Variants in COL24A1 observed in about 807,000 individuals in gnomAD.
COL24A1 encodes the protein collagen type XXIV alpha 1 chain.
COL24A1 carries 224 observed loss-of-function variants against 253.9 expected under a neutral mutation model. That is an observed-to-expected ratio of 0.88 (90% confidence interval 0.79 to 0.99). The LOEUF is 0.99. Among genes scored for constraint, COL24A1 ranks in the 50% least tolerant of loss-of-function variants. The pLI is 0.00. For synonymous variants in COL24A1, 685 were observed against 673.7 expected (o/e 1.02, Z -0.26); for missense variants, 2,131 against 2,068.5 (o/e 1.03, Z -0.59).
chr1:86,067,088 G>A (rs1304020779), intron 7 of COL24A1, among the ~76,000 whole-genome samples: 6 of 151,706 alleles, frequency 4.0e-5, no homozygotes, highest in Admixed American at 2.6e-4. Flanking sequence ...GCAGTGAGCC[G>A]AGATTGCGCC....
chr1:85,987,602 T>C lies in COL24A1; in HGVS notation c.2363A>G (p.Lys788Arg). The part of the protein sequence containing the change: ...IPGQNGPEGP[K>R]GLLGNRGPPG... The stretch of plus-strand genomic sequence containing the variant: ...TCTCTCTCTTCTTCTTCTTCTTACC[T>C]TTGGTCCTTCAGGGCCGTTTTGTCC... The change falls in exon 20 of 60, where the codon AAG becomes AGG. Residue 788 changes from lysine to arginine, a missense_variant and splice_region_variant. Lys to Arg is a conservative substitution (Grantham distance 26). Coordinates refer to ENST00000370571, the MANE Select transcript of COL24A1 (RefSeq NM_152890.7). The C allele has an allele frequency of 6.2e-7, 1 of 1,609,914 alleles. No individual in the cohort carries two copies.
intron 47 of COL24A1, among the ~76,000 whole-genome samples, chr1:85,800,194 T>G (rs1029296093): frequency 6.6e-6 from 1 of 152,222 alleles, no homozygotes; most frequent in Non-Finnish European, 1.5e-5. Flanking sequence ...CTGATGAGCA[T>G]TTAAATGTCA....
At chr1:85,882,682 C>G (rs915907784) in intron 32 of COL24A1, among the ~76,000 whole-genome samples, 2 of 152,048 alleles carry the variant, frequency 1.3e-5, no homozygotes, top group African/African-American at 2.4e-5. Context: ...TGCTGGGTCT[C>G]TCAATTACTG....
chr1:85,757,960 T>C (rs900648525), intron 55 of COL24A1, among the ~76,000 whole-genome samples: 4 of 152,098 alleles, frequency 2.6e-5, no homozygotes, highest in African/African-American at 9.7e-5. Context: ...AAAACATGCA[T>C]GTAAAATAGA....
chr1:85,933,865 T>A (rs939871005), intron 24 of COL24A1, among the ~76,000 whole-genome samples: 2 of 152,198 alleles, frequency 1.3e-5, no homozygotes, highest in Non-Finnish European at 2.9e-5. Context: ...AATGTTGAAA[T>A]ATTATGTATT....
chr1:85,926,746 A>C (rs1687289095), intron 24 of COL24A1, among the ~76,000 whole-genome samples: 1 of 152,116 alleles, frequency 6.6e-6, no homozygotes, highest in African/African-American at 2.4e-5. Flanking sequence ...TAGCAAACCA[A>C]CATGGCGCAT....
chr1:85,871,710 G>C (rs956093789), intron 35 of COL24A1, among the ~76,000 whole-genome samples: 1 of 152,032 alleles, frequency 6.6e-6, no homozygotes, highest in African/African-American at 2.4e-5. Flanking sequence ...AATAATAAGA[G>C]CTATTTATGA....
Position 85,740,131 on chromosome 1 carries a change from C to T in COL24A1, c.4673-2626G>A, listed in dbSNP as rs558880106. ...CTTGTCTTATAAATCCCCAATCCTA[C>T]GTAAGTTTCTCCCTAACCTGTGCCT... On this transcript the variant is annotated intron_variant, in intron 57 of 59. Transcript: ENST00000370571. 1.1e-4 allele frequency among the ~76,000 whole-genome samples: 17 copies of T among 152,244 alleles called. No homozygotes were observed. The East Asian group carries it at 1.2e-3, about 10-fold the overall frequency.
intron 20 of COL24A1, among the ~76,000 whole-genome samples, chr1:85,974,168 G>C (rs752110811): frequency 1.3e-5 from 2 of 152,066 alleles, no homozygotes; most frequent in Non-Finnish European, 2.9e-5. Flanking sequence ...TTCTCCAGAA[G>C]TCAAGCAGAT....
chr1:85,932,141 G>A (rs1687795027), intron 24 of COL24A1, among the ~76,000 whole-genome samples: 1 of 92,808 alleles, frequency 1.1e-5, no homozygotes, highest in Admixed American at 1.3e-4. Flanking sequence ...CCATCAGAGT[G>A]AACAGGCAAC....
chr1:86,067,232 C>T (rs187986955), intron 7 of COL24A1, among the ~76,000 whole-genome samples: 91 of 151,892 alleles, frequency 6.0e-4, no homozygotes, highest in Admixed American at 3.9e-3. Context: ...CAGGCTCCCA[C>T]GGGGCACTTC....
chr1:85,945,018 T>TTTTTG (rs1553237032), intron 24 of COL24A1, among the ~76,000 whole-genome samples: 3,631 of 86,682 alleles, frequency 0.042, 254 homozygotes, highest in East Asian at 0.092. Context: ...TTTTTTTTTT[T>TTTTTG]TTTTTTTTTT....
intron 55 of COL24A1, among the ~76,000 whole-genome samples, chr1:85,754,740 A>G (rs1666026775): frequency 6.6e-6 from 1 of 152,040 alleles, no homozygotes; most frequent in Non-Finnish European, 1.5e-5. Context: ...AGTAAGCACC[A>G]GTTAACTTGA....
chr1:85,913,962 A>T (rs373244771), intron 24 of COL24A1, among the ~76,000 whole-genome samples: 1 of 152,194 alleles, frequency 6.6e-6, no homozygotes, highest in East Asian at 1.9e-4. Flanking sequence ...TAGAAGTCTA[A>T]GATCAAGGCA....
intron 7 of COL24A1, among the ~76,000 whole-genome samples, chr1:86,074,529 T>C (rs1044630365): frequency 3.6e-4 from 55 of 152,104 alleles, no homozygotes; most frequent in African/African-American, 1.3e-3. Context: ...CACCCCACTG[T>C]CAATATTAGA....
chr1:85,973,474 T>C (rs1447246720), intron 20 of COL24A1, among the ~76,000 whole-genome samples: 5 of 152,184 alleles, frequency 3.3e-5, no homozygotes, highest in Non-Finnish European at 5.9e-5. Context: ...TTTTAATATG[T>C]GAAAATAATT....
At chr1:86,110,858 C>A (rs1705507195) in intron 5 of COL24A1, among the ~76,000 whole-genome samples, 1 of 151,988 alleles carries the variant, frequency 6.6e-6, no homozygotes, top group Non-Finnish European at 1.5e-5. Context: ...GCGGCCCAAG[C>A]CTCCCCAGTG....
chr1:86,081,998 G>A (rs12744313), intron 7 of COL24A1, among the ~76,000 whole-genome samples: 51,498 of 151,830 alleles, frequency 0.34, 9,204 homozygotes, highest in Middle Eastern at 0.5. Context: ...ATATTCATGG[G>A]GATAAAGACT....
At chr1:85,856,978 G>A (rs1023446016) in intron 37 of COL24A1, among the ~76,000 whole-genome samples, 3 of 152,088 alleles carry the variant, frequency 2.0e-5, no homozygotes, top group Admixed American at 2.0e-4. Context: ...TGACATAGGG[G>A]AAGTAAAGAG....
Sources: gnomAD v4.1 joint callset for allele counts (sites outside exome capture counted in the v4.1 genomes callset) on GRCh38, gnomAD v4.1.1 for gene constraint, MANE v1.5 for transcripts, NCBI Gene and HGNC (gene_info 2026-07-23, HGNC 2026-07-21) for gene names.